Variants in AFF1 observed in about 807,000 individuals in gnomAD.
The protein encoded by AFF1 is ALF transcription elongation factor 1, also known as AF4/FMR2 family member 1.
AFF1 carries 48 observed loss-of-function variants against 121.7 expected under a neutral mutation model. The ratio of observed to expected loss-of-function variants is 0.39; its 90% CI spans 0.31 to 0.50. The LOEUF is 0.50. AFF1 is among the 20% of genes least tolerant of loss of function. The pLI is 0.76. For missense variants in AFF1, 1,523 were observed against 1,511.7 expected (o/e 1.01, Z -0.12); for synonymous variants, 613 against 563.0 (o/e 1.09, Z -1.26).
chr4:87,007,230 C>T lies in AFF1; in HGVS notation c.39-38936C>T. ...TTAGCGCGAGCCAATACGGGCCGAGCCCGGGGCTGCGCCGAGGACGCCCGG... is the reference window on the plus strand; with the variant it reads ...TTAGCGCGAGCCAATACGGGCCGAGTCCGGGGCTGCGCCGAGGACGCCCGG... On this transcript the variant is annotated intron_variant, in intron 2 of 20. Coordinates refer to ENST00000395146, the MANE Select transcript of AFF1 (RefSeq NM_001166693.3). 6.1e-6 allele frequency: 9 copies of T among 1,466,258 alleles called. No homozygotes were observed. The South Asian group carries it at 9.8e-5, about 16-fold the overall frequency. 90.8% of individuals were successfully genotyped at this position (1,466,258 alleles called of 1,614,324 possible). A position where few individuals can be genotyped will look rare whatever the true frequency, so the allele number is the denominator to read the frequency against.
chr4:86,979,362 G>C (rs1258767551), intron 2 of AFF1, among the ~76,000 whole-genome samples: 1 of 152,092 alleles, frequency 6.6e-6, no homozygotes, highest in Non-Finnish European at 1.5e-5. Context: ...GCCTCCCAAA[G>C]TGCTGGGATT....
At position 87,139,388 on chromosome 4, in the gene AFF1, T is replaced by G. The variant is rs1407464633; in HGVS notation, c.*3687T>G. On this transcript the variant is annotated 3_prime_UTR_variant, in exon 21 of 21. Transcript: ENST00000395146. ...TGTTTTGTTTTCTTGTACTTAAACC[T>G]GCTTGCTTCCTACCACAGATTCTTT... 2 of 233,360 alleles carry G rather than the reference T, an allele frequency of 8.6e-6. No individual in the cohort carries two copies. The highest frequency in any genetic ancestry group is 1.7e-5 in the Non-Finnish European group (2 of 117,882). 14.5% of individuals were successfully genotyped at this position (233,360 alleles called of 1,614,324 possible). A position where few individuals can be genotyped will look rare whatever the true frequency, so the allele number is the denominator to read the frequency against.
intron 12 of AFF1, among the ~76,000 whole-genome samples, chr4:87,123,417 A>C (rs1727915009): frequency 6.6e-6 from 1 of 152,198 alleles, no homozygotes; most frequent in Non-Finnish European, 1.5e-5. Context: ...GACAGTGAGA[A>C]CTGATAGCCT....
At chr4:87,007,254 G>T (rs1470576007) in intron 2 of AFF1, 32 of 1,497,834 alleles carry the variant, frequency 2.1e-5, no homozygotes, top group Non-Finnish European at 2.8e-5. Flanking sequence ...GAGGACGCCC[G>T]GGGCTCGAGA....
At position 87,047,163 on chromosome 4, in the gene AFF1, T is replaced by A. The variant is rs773499420; in HGVS notation, c.628T>A (p.Ser210Thr). 1 of 1,614,204 alleles carries A rather than the reference T, an allele frequency of 6.2e-7. No homozygotes were observed. The highest frequency in any genetic ancestry group is 1.1e-5 in the South Asian group (1 of 91,090). Reference sequence around the variant, plus strand: ...AGAGAGGGAGCTTTCTCCCTTAATCTCTTTGCCTTCCCCAGTTCCCCCTTT... The same window carrying A: ...AGAGAGGGAGCTTTCTCCCTTAATCACTTTGCCTTCCCCAGTTCCCCCTTT... ...APERELSPLI[S>T]LPSPVPPLSP... is the part of the protein sequence containing the mutation. Residue 210 changes from serine to threonine, a missense_variant, in exon 4 of 21, where the codon TCT becomes ACT. Physicochemically the swap from Ser to Thr is moderately conservative, Grantham distance 58. This residue lies in a region of AFF1 where 369 missense variants were observed against 367.2 expected (regional missense o/e 1.00). Transcript: ENST00000395146.
At chr4:86,961,245 G>A (rs563739975) in intron 2 of AFF1, among the ~76,000 whole-genome samples, 3 of 152,166 alleles carry the variant, frequency 2.0e-5, no homozygotes, top group Admixed American at 6.6e-5. Flanking sequence ...TTTCAATCTC[G>A]TAACTCCCTA....
intron 4 of AFF1, among the ~76,000 whole-genome samples, chr4:87,082,395 G>A (rs1219388021): frequency 6.6e-6 from 1 of 152,156 alleles, no homozygotes; most frequent in Non-Finnish European, 1.5e-5. Flanking sequence ...TTGTTTGCAT[G>A]TGTAATGCTA....
chr4:87,011,882 A>AAC (rs1726799991), intron 2 of AFF1, among the ~76,000 whole-genome samples: 1 of 152,186 alleles, frequency 6.6e-6, no homozygotes, highest in Non-Finnish European at 1.5e-5. Flanking sequence ...TGTTTTGGCA[A>AAC]AACTAACTCA....
chr4:86,974,022 A>T (rs1188018155), intron 2 of AFF1: 1 of 152,288 alleles, frequency 6.6e-6, no homozygotes, highest in Non-Finnish European at 1.5e-5. Context: ...TTAAAGGATC[A>T]TAGAAAACAG....
At chr4:86,939,480 T>A (rs74430027) in intron 1 of AFF1, among the ~76,000 whole-genome samples, 2,040 of 152,344 alleles carry the variant, frequency 0.013, 25 homozygotes, top group Non-Finnish European at 0.02. Context: ...TTTGAACATT[T>A]GTGCCTCCAA....
At chr4:87,131,665 A>C in intron 17 of AFF1, 128 bp from the exon 18 acceptor site, 1 of 833,974 alleles carries the variant, frequency 1.2e-6, no homozygotes, top group South Asian at 1.8e-5. Flanking sequence ...TGGGTTTTTA[A>C]ATTTTTTTCC....
chr4:86,992,430 C>G (rs1724800851), intron 2 of AFF1, among the ~76,000 whole-genome samples: 1 of 152,126 alleles, frequency 6.6e-6, no homozygotes, highest in Non-Finnish European at 1.5e-5. Flanking sequence ...ACTGTGGTAT[C>G]TAAGATTGTT....
chr4:86,955,092 G>A (rs1721643446), intron 2 of AFF1, among the ~76,000 whole-genome samples: 2 of 151,762 alleles, frequency 1.3e-5, no homozygotes, highest in African/African-American at 4.8e-5. Context: ...TCTGCTTTTG[G>A]TTTTAAATTA....
intron 7 of AFF1, among the ~76,000 whole-genome samples, chr4:87,093,918 T>TA (rs1724569226): frequency 6.6e-6 from 1 of 152,206 alleles, no homozygotes; most frequent in Non-Finnish European, 1.5e-5. Context: ...TGCTCCCTTC[T>TA]AAGTTATGCC....
chr4:87,065,808 C>A (rs397840457), intron 4 of AFF1, among the ~76,000 whole-genome samples: 1 of 151,918 alleles, frequency 6.6e-6, no homozygotes, highest in Non-Finnish European at 1.5e-5. Flanking sequence ...TTTTTCCCCC[C>A]CCTTTCTCTG....
chr4:87,011,485 C>T (rs1203961700), intron 2 of AFF1, among the ~76,000 whole-genome samples: 2 of 152,120 alleles, frequency 1.3e-5, no homozygotes, highest in East Asian at 1.9e-4. Context: ...TTGCCCTGCC[C>T]TATGCCCCGT....
At chr4:87,125,419 A>G (rs754437932) in intron 13 of AFF1, 103 of 271,192 alleles carry the variant, frequency 3.8e-4, no homozygotes, top group Non-Finnish European at 6.5e-4. Context: ...GAGGGAAAGT[A>G]AGAAAGGTAC....
intron 1 of AFF1, 40 bp from the exon 2 acceptor site, chr4:86,948,458 C>A: frequency 7.3e-7 from 1 of 1,373,592 alleles, no homozygotes; most frequent in South Asian, 1.3e-5. Context: ...AATTTACTCA[C>A]AGGCTAATGT....
chr4:86,966,510 G>C (rs1201772107), intron 2 of AFF1, among the ~76,000 whole-genome samples: 2 of 151,680 alleles, frequency 1.3e-5, no homozygotes, highest in Non-Finnish European at 2.9e-5. Context: ...GCATTTTCAA[G>C]CCAGGAAAGC....
Sources: allele counts gnomAD v4.1 joint callset (sites outside exome capture counted in the v4.1 genomes callset), GRCh38; gene constraint gnomAD v4.1.1; regional missense constraint gnomAD v4.1.1; transcripts MANE v1.5; gene names NCBI Gene and HGNC (gene_info 2026-07-23, HGNC 2026-07-21).